ARHGAP15: variants seen among roughly 807,000 people sequenced by gnomAD.
ARHGAP15 encodes the protein Rho GTPase activating protein 15.
In ARHGAP15, 51 loss-of-function variants were observed where a neutral mutation model predicts 63.7. The observed-to-expected ratio is 0.80, with a 90% CI of 0.64 to 1.01. The LOEUF is 1.01. Among genes scored for constraint, ARHGAP15 ranks in the 50% least tolerant of loss-of-function variants. The pLI is 0.00. For missense variants in ARHGAP15, 560 were observed against 564.6 expected, an observed-to-expected ratio of 0.99 and a Z score of 0.08; for synonymous variants, 191 against 193.8, an observed-to-expected ratio of 0.99 and a Z score of 0.12.
intron 11 of ARHGAP15, among the ~76,000 whole-genome samples, chr2:143,591,727 C>T (rs1697330079): frequency 6.6e-6 from 1 of 150,912 alleles, no homozygotes; most frequent in Non-Finnish European, 1.5e-5. Flanking sequence ...TCAAGCGATT[C>T]TCCTGCCTCA....
intron 6 of ARHGAP15, among the ~76,000 whole-genome samples, chr2:143,287,062 G>T (rs763365769): frequency 6.6e-6 from 1 of 151,996 alleles, no homozygotes. Flanking sequence ...GAGGTGAAAT[G>T]GTTTGACCTG....
At chr2:143,470,934 ATG>A (rs1173317788) in intron 8 of ARHGAP15, among the ~76,000 whole-genome samples, 4 of 145,628 alleles carry the variant, frequency 2.7e-5, no homozygotes, top group African/African-American at 7.4e-5. Flanking sequence ...ATGTGTATAT[ATG>A]TGTGTATATA....
At chr2:143,405,144 T>C (rs2105007032) in intron 6 of ARHGAP15, among the ~76,000 whole-genome samples, 1 of 152,092 alleles carries the variant, frequency 6.6e-6, no homozygotes, top group Admixed American at 6.6e-5. Context: ...AATCTTTTTA[T>C]CAAATTCTAT....
At chr2:143,485,126 C>T (rs1692266189) in intron 8 of ARHGAP15, among the ~76,000 whole-genome samples, 1 of 152,022 alleles carries the variant, frequency 6.6e-6, no homozygotes, top group Non-Finnish European at 1.5e-5. Flanking sequence ...GCAGAGTGTA[C>T]AGGTTTGTTA....
chr2:143,402,977 A>G (rs1688049853), intron 6 of ARHGAP15, among the ~76,000 whole-genome samples: 1 of 151,900 alleles, frequency 6.6e-6, no homozygotes, highest in Non-Finnish European at 1.5e-5. Context: ...TTAATTTCAA[A>G]TATTAAAACC....
At chr2:143,733,557 G>C (rs1200779814) in intron 13 of ARHGAP15, among the ~76,000 whole-genome samples, 1 of 151,678 alleles carries the variant, frequency 6.6e-6, no homozygotes, top group Non-Finnish European at 1.5e-5. Context: ...CTCTAAGCTA[G>C]AAAAATAAAA....
At chr2:143,433,728 G>A (rs989767791) in intron 6 of ARHGAP15, among the ~76,000 whole-genome samples, 9 of 149,452 alleles carry the variant, frequency 6.0e-5, no homozygotes, top group Non-Finnish European at 8.9e-5. Flanking sequence ...TTTGTTTCTC[G>A]TACTTCTTAA....
At chr2:143,746,083 G>A (rs143119424) in intron 13 of ARHGAP15, among the ~76,000 whole-genome samples, 29 of 152,282 alleles carry the variant, frequency 1.9e-4, no homozygotes, top group African/African-American at 6.7e-4. Context: ...CTATATGTCA[G>A]TGAAGTAGAT....
At chr2:143,493,115 C>G (rs573738997) in intron 9 of ARHGAP15, among the ~76,000 whole-genome samples, 14 of 152,158 alleles carry the variant, frequency 9.2e-5, no homozygotes, top group African/African-American at 3.4e-4. Context: ...TACTATTATG[C>G]TTACATAAGA....
chr2:143,237,743 T>A (rs1239408093), intron 5 of ARHGAP15: 1 of 152,330 alleles, frequency 6.6e-6, no homozygotes, highest in East Asian at 1.9e-4. Context: ...TTAGTGTCAC[T>A]TTTGATATAA....
chr2:143,386,054 G>T (rs1687274759), intron 6 of ARHGAP15, among the ~76,000 whole-genome samples: 1 of 152,182 alleles, frequency 6.6e-6, no homozygotes, highest in South Asian at 2.1e-4. Context: ...TCCAGTTTAT[G>T]GCCAAGCATA....
chr2:143,153,532 A>G (rs1030280375), intron 1 of ARHGAP15, among the ~76,000 whole-genome samples: 1 of 151,976 alleles, frequency 6.6e-6, no homozygotes. Context: ...TTCGTGATTT[A>G]TTACTGAAGA....
At chr2:143,407,810 T>A (rs969418676) in intron 6 of ARHGAP15, among the ~76,000 whole-genome samples, 8 of 151,204 alleles carry the variant, frequency 5.3e-5, no homozygotes, top group African/African-American at 1.9e-4. Context: ...GGGCTCTCAG[T>A]ATGCTCGTTT....
intron 2 of ARHGAP15, among the ~76,000 whole-genome samples, chr2:143,172,658 G>C (rs1455710987): frequency 6.6e-6 from 1 of 152,054 alleles, no homozygotes; most frequent in Non-Finnish European, 1.5e-5. Context: ...TCAAGATGGA[G>C]AAACTGGGTG....
At chr2:143,540,033 C>G (rs1447727678) in intron 10 of ARHGAP15, among the ~76,000 whole-genome samples, 1 of 152,146 alleles carries the variant, frequency 6.6e-6, no homozygotes, top group Non-Finnish European at 1.5e-5. Context: ...TTGTAGGTCA[C>G]TAAGGACTTG....
At chr2:143,669,349 G>A (rs1682397590) in intron 12 of ARHGAP15, among the ~76,000 whole-genome samples, 1 of 152,128 alleles carries the variant, frequency 6.6e-6, no homozygotes, top group Admixed American at 6.5e-5. Context: ...AGGCATAGTT[G>A]GACATGAATC....
intron 1 of ARHGAP15, among the ~76,000 whole-genome samples, chr2:143,149,575 G>A (rs1295167166): frequency 6.6e-6 from 1 of 151,902 alleles, no homozygotes; most frequent in African/African-American, 2.4e-5. Flanking sequence ...TTGGGAAATA[G>A]AAATATGATA....
intron 11 of ARHGAP15, among the ~76,000 whole-genome samples, chr2:143,596,625 A>T (rs1175233033): frequency 4.6e-5 from 7 of 152,142 alleles, no homozygotes; most frequent in Admixed American, 4.6e-4. Context: ...TAAGTTATTT[A>T]TATATATTTA....
At chr2:143,445,029 T>C (rs1315611383) in intron 8 of ARHGAP15, among the ~76,000 whole-genome samples, 1 of 152,044 alleles carries the variant, frequency 6.6e-6, no homozygotes, top group Non-Finnish European at 1.5e-5. Context: ...TATACAAAAT[T>C]AATTGGCCTA....
Sources: allele counts gnomAD v4.1 joint callset (sites outside exome capture counted in the v4.1 genomes callset), GRCh38; gene constraint gnomAD v4.1.1; transcripts MANE v1.5; gene names NCBI Gene and HGNC (gene_info 2026-07-23, HGNC 2026-07-21).